RAB2A: variants seen among roughly 807,000 people sequenced by gnomAD.
The protein encoded by RAB2A is RAB2A, member RAS oncogene family.
Under a neutral mutation model 32.5 loss-of-function variants are expected in RAB2A, and 7 were observed. That is an observed-to-expected ratio of 0.22 (90% CI 0.12 to 0.40). The LOEUF (loss-of-function observed/expected upper bound fraction) is 0.40. Among genes scored for constraint, RAB2A ranks in the 10% least tolerant of loss-of-function variants. The pLI, the probability that RAB2A is intolerant of heterozygous loss-of-function variation, is 1.00. For missense variants in RAB2A, 108 were observed against 260.7 expected, an observed-to-expected ratio of 0.41 and a Z score of 4.03; for synonymous variants, 79 against 85.2, an observed-to-expected ratio of 0.93 and a Z score of 0.40.
At chr8:60,535,322 C>T (rs766741843) in intron 1 of RAB2A, among the ~76,000 whole-genome samples, 15 of 152,188 alleles carry the variant, frequency 9.9e-5, no homozygotes, top group Non-Finnish European at 2.1e-4. Context: ...TTCCTCTTTA[C>T]ACTTTACATA....
At chr8:60,601,408 A>T (rs891671950) in intron 6 of RAB2A, among the ~76,000 whole-genome samples, 1 of 151,656 alleles carries the variant, frequency 6.6e-6, no homozygotes, top group South Asian at 2.1e-4. Flanking sequence ...CACAATCTCA[A>T]CTCGCTGCAA....
chr8:60,591,674 T>C (rs1803947454), intron 5 of RAB2A, 184 bp from the exon 6 acceptor site: 3 of 419,582 alleles, frequency 7.1e-6, no homozygotes, highest in Non-Finnish European at 1.3e-5. Context: ...TTGTTAGTTC[T>C]TTGAAACTAG....
chr8:60,587,107 T>A (rs998194352), intron 5 of RAB2A, among the ~76,000 whole-genome samples: 8 of 152,156 alleles, frequency 5.3e-5, no homozygotes, highest in African/African-American at 1.9e-4. Context: ...AATTTACTAT[T>A]CTACAAATTT....
At chr8:60,532,949 T>G (rs926044776) in intron 1 of RAB2A, among the ~76,000 whole-genome samples, 1 of 152,238 alleles carries the variant, frequency 6.6e-6, no homozygotes, top group Non-Finnish European at 1.5e-5. Context: ...ACAGTCCAAT[T>G]TGGTTGAAAG....
rs576836415 is a variant in RAB2A, at chr8:60,547,699, G to A, written c.47-11153G>A. On this transcript the variant is annotated intron_variant, in intron 1 of 7. Coordinates refer to ENST00000262646, the MANE Select transcript of RAB2A (RefSeq NM_002865.3). ...CCGGACGGGGCGGCTGGCCGGGCGG[G>A]GGGGCTGACCCCCCCACCTCCCTCC... 1.7e-3 allele frequency among the ~76,000 whole-genome samples: 204 copies of A among 121,076 alleles called. 1 individual carries two copies. The highest frequency in any genetic ancestry group is 9.7e-3 in the Middle Eastern group (2 of 206). 79.4% of individuals were successfully genotyped at this position (121,076 alleles called of 152,430 possible).
In RAB2A at chr8:60,526,968, C is replaced by CAA. The variant is rs34685368; in HGVS notation, c.46+9733_46+9734dup. ...TGGGCGACAGTGCGAGACTCCATCT[C>CAA]AAAAAAAAAAAAAAAAAAAGAAGTA... On this transcript the variant is annotated intron_variant, in intron 1 of 7. Transcript: ENST00000262646. 2.2e-4 allele frequency among the ~76,000 whole-genome samples: 20 copies of CAA among 91,612 alleles called. No individual in the cohort carries two copies. In the East Asian group the frequency reaches 4.9e-3, roughly 23 times the overall value. The allele number at this position is 91,612 out of a possible 152,430, so 60.1% of individuals were successfully genotyped here. A position where few individuals can be genotyped will look rare whatever the true frequency, so the allele number is the denominator to read the frequency against.
chr8:60,540,583 G>A (rs748183438), intron 1 of RAB2A, among the ~76,000 whole-genome samples: 6 of 152,148 alleles, frequency 3.9e-5, no homozygotes, highest in Admixed American at 6.5e-5. Flanking sequence ...AGGTTTAAGC[G>A]ATTCCCGTGC....
chr8:60,526,448 A>T (rs889070035), intron 1 of RAB2A, among the ~76,000 whole-genome samples: 1 of 152,120 alleles, frequency 6.6e-6, no homozygotes, highest in East Asian at 1.9e-4. Flanking sequence ...TGTTTTAGGA[A>T]AGGTTTTCCA....
At chr8:60,532,435 A>G (rs1416529565) in intron 1 of RAB2A, among the ~76,000 whole-genome samples, 1 of 152,196 alleles carries the variant, frequency 6.6e-6, no homozygotes, top group Admixed American at 6.5e-5. Flanking sequence ...CCAGTCCTCT[A>G]TGTAAAGGTA....
chr8:60,565,431 AAAAG>A (rs1296850087), intron 2 of RAB2A, among the ~76,000 whole-genome samples: 3 of 151,732 alleles, frequency 2.0e-5, no homozygotes, highest in South Asian at 2.1e-4. Flanking sequence ...AAAAAAAAAA[AAAAG>A]AAAGAAGTAA....
At chr8:60,599,451 G>C (rs1804093110) in intron 6 of RAB2A, among the ~76,000 whole-genome samples, 1 of 152,184 alleles carries the variant, frequency 6.6e-6, no homozygotes, top group Non-Finnish European at 1.5e-5. Context: ...AAATATATAT[G>C]GAAAGGCAGA....
At chr8:60,537,657 T>G (rs1807578354) in intron 1 of RAB2A, among the ~76,000 whole-genome samples, 1 of 152,158 alleles carries the variant, frequency 6.6e-6, no homozygotes, top group African/African-American at 2.4e-5. Flanking sequence ...CCTACAATTC[T>G]AAGAGGTATT....
intron 1 of RAB2A, among the ~76,000 whole-genome samples, chr8:60,542,606 A>T (rs945197461): frequency 6.6e-6 from 1 of 152,184 alleles, no homozygotes; most frequent in African/African-American, 2.4e-5. Context: ...AGCTGAGTTT[A>T]TATCTCATTT....
intron 1 of RAB2A, among the ~76,000 whole-genome samples, chr8:60,544,437 T>C (rs1175104154): frequency 1.3e-5 from 2 of 152,068 alleles, no homozygotes; most frequent in African/African-American, 4.8e-5. Context: ...TCTTGAAGAA[T>C]CCTCAGTTTA....
chr8:60,524,171 G>C (rs984189751), intron 1 of RAB2A, among the ~76,000 whole-genome samples: 9 of 152,068 alleles, frequency 5.9e-5, no homozygotes, highest in Admixed American at 4.6e-4. Flanking sequence ...CTTCTCAATT[G>C]GTGTTCTGTC....
At chr8:60,541,053 G>A (rs1415424321) in intron 1 of RAB2A, among the ~76,000 whole-genome samples, 1 of 152,150 alleles carries the variant, frequency 6.6e-6, no homozygotes, top group African/African-American at 2.4e-5. Flanking sequence ...GGTTATGAAG[G>A]TTAAAGTCAA....
chr8:60,590,512 G>C (rs1381614401), intron 5 of RAB2A, among the ~76,000 whole-genome samples: 1 of 144,560 alleles, frequency 6.9e-6, no homozygotes, highest in African/African-American at 2.5e-5. Flanking sequence ...GAAAAGCCTT[G>C]GCACGTGTAT....
intron 3 of RAB2A, among the ~76,000 whole-genome samples, chr8:60,574,850 A>AGGAGGGT (rs1171422720): frequency 6.6e-6 from 1 of 152,148 alleles, no homozygotes; most frequent in Non-Finnish European, 1.5e-5. Context: ...GTGTTCCTCT[A>AGGAGGGT]GGAGGGTAGA....
chr8:60,543,746 G>A lies in RAB2A; in HGVS notation c.47-15106G>A, dbSNP rs149011226. Among the ~76,000 whole-genome samples, 28 of 152,242 alleles carry A rather than the reference G, an allele frequency of 1.8e-4. 1 individual carries two copies. In the East Asian group the frequency reaches 1.9e-3, roughly 11 times the overall value. ...GAACCAACAGCATGAAAACAATTCC[G>A]AAATCGTTCTATTTAGAAAGAGAGT... On this transcript the variant is annotated intron_variant, in intron 1 of 7. Transcript: ENST00000262646.
Sources: allele counts gnomAD v4.1 joint callset (sites outside exome capture counted in the v4.1 genomes callset), GRCh38; gene constraint gnomAD v4.1.1; transcripts MANE v1.5; gene names NCBI Gene and HGNC (gene_info 2026-07-23, HGNC 2026-07-21).